Variants in PIEZO2 observed in about 807,000 individuals in gnomAD.
The protein encoded by PIEZO2 is piezo type mechanosensitive ion channel component 2, also known as piezo-type mechanosensitive ion channel component 2.
Under a neutral mutation model 337.3 loss-of-function variants are expected in PIEZO2, and 172 were observed. That is an observed-to-expected ratio of 0.51 (90% confidence interval 0.45 to 0.58). The LOEUF (loss-of-function observed/expected upper bound fraction) is 0.58. Among genes scored for constraint, PIEZO2 ranks in the 20% least tolerant of loss-of-function variants. The pLI is 0.00. For missense variants in PIEZO2, 3,028 were observed against 3,391.3 expected, an observed-to-expected ratio of 0.89 and a Z score of 2.66; for synonymous variants, 1,251 against 1,228.5, an observed-to-expected ratio of 1.02 and a Z score of -0.38.
intron 1 of PIEZO2, among the ~76,000 whole-genome samples, chr18:11,123,774 C>T (rs1395439997): frequency 6.6e-6 from 1 of 150,592 alleles, no homozygotes; most frequent in African/African-American, 2.5e-5. Context: ...CGCACCATTG[C>T]ACTGCAACCT....
At chr18:10,905,930 A>T (rs938209060) in intron 4 of PIEZO2, among the ~76,000 whole-genome samples, 1 of 152,196 alleles carries the variant, frequency 6.6e-6, no homozygotes, top group African/African-American at 2.4e-5. Context: ...TGTGAAAAGA[A>T]TTATGAGAAG....
At position 11,094,125 on chromosome 18, in the gene PIEZO2, C is replaced by T. The variant is rs2865142; in HGVS notation, c.65-27903G>A. ...TCCCAAGTAGCTGGGATTACAGGTG[C>T]TCATCACCACGCCCAGCTAATTTTT... On this transcript the variant is annotated intron_variant, in intron 1 of 55. Coordinates refer to ENST00000674853, the MANE Select transcript of PIEZO2 (RefSeq NM_001378183.1). The surrounding 1 kb of genome is among the most constrained non-coding windows in gnomAD (Gnocchi z 4.4). 0.16 allele frequency among the ~76,000 whole-genome samples: 24,575 copies of T among 152,002 alleles called. 3,579 individuals are homozygous for T. The highest frequency in any genetic ancestry group is 0.38 in the African/African-American group (15,558 of 41,408).
intron 4 of PIEZO2, among the ~76,000 whole-genome samples, chr18:10,881,960 A>G (rs1329648586): frequency 1.3e-5 from 2 of 152,206 alleles, no homozygotes; most frequent in African/African-American, 4.8e-5. Context: ...TCATCATCCC[A>G]GGACAGTGAC....
chr18:11,040,171 T>C (rs1469448950), intron 2 of PIEZO2, among the ~76,000 whole-genome samples: 1 of 152,124 alleles, frequency 6.6e-6, no homozygotes, highest in African/African-American at 2.4e-5. Context: ...CAGTAGTTGC[T>C]CTTCAACAAG....
chr18:10,970,381 A>T (rs2034186270), intron 3 of PIEZO2, among the ~76,000 whole-genome samples: 1 of 152,248 alleles, frequency 6.6e-6, no homozygotes, highest in African/African-American at 2.4e-5. Flanking sequence ...TCGCCCGTCT[A>T]GATGAGCCCA....
chr18:11,004,128 G>A (rs1213274645), intron 2 of PIEZO2, among the ~76,000 whole-genome samples: 2 of 152,140 alleles, frequency 1.3e-5, no homozygotes, highest in East Asian at 1.9e-4. Context: ...TGCCCTGTTC[G>A]TTCCCAGGGA....
chr18:10,905,991 A>G (rs2043166157), intron 4 of PIEZO2, among the ~76,000 whole-genome samples: 1 of 152,148 alleles, frequency 6.6e-6, no homozygotes, highest in South Asian at 2.1e-4. Flanking sequence ...CTGAGCAATA[A>G]TATCTAAAAC....
At chr18:10,841,009 C>A (rs184341159) in intron 7 of PIEZO2, among the ~76,000 whole-genome samples, 50 of 152,324 alleles carry the variant, frequency 3.3e-4, no homozygotes, top group Middle Eastern at 3.4e-3. Context: ...TGTTTGCCAG[C>A]ATCGTGATCT....
chr18:11,133,944 G>A (rs550021332), intron 1 of PIEZO2, among the ~76,000 whole-genome samples: 1 of 152,072 alleles, frequency 6.6e-6, no homozygotes, highest in South Asian at 2.1e-4. Flanking sequence ...CTAATACACT[G>A]AGTAACAAAA....
intron 7 of PIEZO2, among the ~76,000 whole-genome samples, chr18:10,835,427 C>A (rs1457212352): frequency 1.4e-4 from 22 of 152,256 alleles, no homozygotes; most frequent in Admixed American, 1.2e-3. Context: ...TTCCAGATAT[C>A]TTTTCTCTAT....
chr18:10,995,077 C>CA (rs767666232), intron 2 of PIEZO2, among the ~76,000 whole-genome samples: 488 of 28,104 alleles, frequency 0.017, 4 homozygotes, highest in East Asian at 0.081. Context: ...GACTCCGTCT[C>CA]AAAAAAAAAA....
chr18:10,865,808 T>G (rs1330300822), intron 5 of PIEZO2, among the ~76,000 whole-genome samples: 3 of 152,142 alleles, frequency 2.0e-5, no homozygotes, highest in African/African-American at 7.2e-5. Context: ...TTGGGATGGA[T>G]AGCATGAGGG....
At chr18:11,136,279 C>A (rs2040485071) in intron 1 of PIEZO2, among the ~76,000 whole-genome samples, 1 of 152,238 alleles carries the variant, frequency 6.6e-6, no homozygotes, top group Non-Finnish European at 1.5e-5. Context: ...CAAAACTGAT[C>A]ATGCTTTGAA....
chr18:10,733,416 C>T (rs1321621084), intron 35 of PIEZO2, among the ~76,000 whole-genome samples: 1 of 150,382 alleles, frequency 6.6e-6, no homozygotes, highest in Non-Finnish European at 1.5e-5. Flanking sequence ...CTTACTGAGT[C>T]AAGAAATGGA....
intron 2 of PIEZO2, among the ~76,000 whole-genome samples, chr18:11,007,983 C>G (rs1353614629): frequency 6.6e-6 from 1 of 152,198 alleles, no homozygotes; most frequent in African/African-American, 2.4e-5. Flanking sequence ...CAGCTGAAGT[C>G]AGGCAGAGTC....
rs264164 is a variant in PIEZO2 at position 10,982,719 on chromosome 18, T to C, written c.161-3059A>G. Among the ~76,000 whole-genome samples the C allele has an allele frequency of 2.7e-3, 416 of 151,968 alleles. 2 individuals carry two copies. The highest frequency in any genetic ancestry group is 9.5e-3 in the African/African-American group (393 of 41,298). On this transcript the variant is annotated intron_variant, in intron 2 of 55. Coordinates refer to ENST00000674853, the MANE Select transcript of PIEZO2 (RefSeq NM_001378183.1). The surrounding 1 kb of genome is among the most constrained non-coding windows in gnomAD (Gnocchi z 4.1). Reference sequence around the variant, plus strand: ...TATTAAAATATGTTATAAAACCATATGTTTATTTATTTTTTTTTTGAGACA... The same window carrying C: ...TATTAAAATATGTTATAAAACCATACGTTTATTTATTTTTTTTTTGAGACA...
rs1477693932 is a variant in PIEZO2 at position 11,127,685 on chromosome 18, T to C, written c.64+20840A>G. ...AGTTAATACTTAATAAACTCCCCTT[T>C]ATATATATATACATATATATGTCAT... On this transcript the variant is annotated intron_variant, in intron 1 of 55. Transcript: ENST00000674853. The surrounding 1 kb of genome is among the most constrained non-coding windows in gnomAD (Gnocchi z 4.5). 6.6e-6 allele frequency among the ~76,000 whole-genome samples: 1 copy of C among 150,816 alleles called. No homozygotes were observed. The highest frequency in any genetic ancestry group is 1.9e-4 in the East Asian group (1 of 5,156).
At chr18:10,918,716 A>G (rs1289432431) in intron 3 of PIEZO2, among the ~76,000 whole-genome samples, 1 of 152,098 alleles carries the variant, frequency 6.6e-6, no homozygotes, top group Non-Finnish European at 1.5e-5. Flanking sequence ...CATACAAAAT[A>G]CAACCACTCT....
intron 7 of PIEZO2, among the ~76,000 whole-genome samples, chr18:10,835,157 C>T (rs1339954810): frequency 1.3e-5 from 2 of 152,208 alleles, no homozygotes; most frequent in East Asian, 3.9e-4. Context: ...GACTCTCCAG[C>T]CTCCAGAATT....
Sources: gnomAD v4.1 joint callset for allele counts (sites outside exome capture counted in the v4.1 genomes callset) on GRCh38, gnomAD v4.1.1 for gene constraint, Gnocchi (gnomAD v3.1) non-coding constraint, MANE v1.5 for transcripts, NCBI Gene and HGNC (gene_info 2026-07-23, HGNC 2026-07-21) for gene names.